The following ZNF66 variants were observed in gnomAD, a reference collection of about 807,000 sequenced individuals.
ZNF66 encodes the protein putative zinc finger protein 66.
In ZNF66, 32 loss-of-function variants were observed where a neutral mutation model predicts 35.2. The observed-to-expected ratio is 0.91, with a 90% CI of 0.69 to 1.22. ZNF66 has a LOEUF of 1.22. Ranked by LOEUF, ZNF66 falls within the 50% of genes most tolerant of loss-of-function variation. ZNF66 has a pLI of 0.00. For missense variants in ZNF66, 666 were observed against 543.1 expected, an observed-to-expected ratio of 1.23 and a Z score of -2.25; for synonymous variants, 231 against 181.3, an observed-to-expected ratio of 1.27 and a Z score of -2.20.
intron 3 of ZNF66, among the ~76,000 whole-genome samples, chr19:20,800,914 T>C (rs944715071): frequency 6.6e-6 from 1 of 152,224 alleles, no homozygotes; most frequent in Admixed American, 6.5e-5. Context: ...TAATTGCAAA[T>C]GGGTTCTTGC....
intron 3 of ZNF66, among the ~76,000 whole-genome samples, chr19:20,795,642 C>T (rs984553283): frequency 6.6e-6 from 1 of 152,200 alleles, no homozygotes; most frequent in Non-Finnish European, 1.5e-5. Context: ...GCTGGAATTA[C>T]AGGTGTGAGG....
At chr19:20,786,881 C>T (rs765987511) in intron 1 of ZNF66, among the ~76,000 whole-genome samples, 3 of 152,160 alleles carry the variant, frequency 2.0e-5, no homozygotes, top group African/African-American at 4.8e-5. Context: ...TCTGTCTCAG[C>T]CTCCCCAGTA....
chr19:20,785,349 AAG>A (rs1372713908), intron 1 of ZNF66, among the ~76,000 whole-genome samples: 1 of 152,194 alleles, frequency 6.6e-6, no homozygotes, highest in Admixed American at 6.5e-5. Flanking sequence ...TAAATAGCCA[AAG>A]AGAGAATCCT....
intron 1 of ZNF66, among the ~76,000 whole-genome samples, chr19:20,781,664 A>G (rs968593028): frequency 2.6e-5 from 4 of 151,968 alleles, no homozygotes; most frequent in Admixed American, 2.6e-4. Context: ...GCATTCCACC[A>G]TGCCCAGCTA....
At position 20,809,987 on chromosome 19, in the gene ZNF66, T is replaced by G. The variant is rs562090389; in HGVS notation, c.*2665T>G. Among the ~76,000 whole-genome samples, 1 of 152,168 alleles carries G rather than the reference T, an allele frequency of 6.6e-6. No individual in the cohort carries two copies. Among genetic ancestry groups the G allele is most frequent in the African/African-American group, 2.4e-5 (1 of 41,528 alleles). On this transcript the variant is annotated 3_prime_UTR_variant, in exon 4 of 4. Transcript: ENST00000344519. ...CTCAAAATAAAAGGATGGAGGAAGATCTACGAAGCAAATGGAAAACAAACA... is the reference window on the plus strand; with the variant it reads ...CTCAAAATAAAAGGATGGAGGAAGAGCTACGAAGCAAATGGAAAACAAACA...
Position 20,806,935 on chromosome 19 carries a change from A to C in ZNF66, c.1335A>C (p.Ile445=), listed in dbSNP as rs141697329. The change falls in exon 4 of 4, where the codon ATA becomes ATC. Residue 445 remains isoleucine (I), a synonymous_variant. Transcript: ENST00000344519. ...SRSSILTTHK[I]IHTGEKPYEC... ...CCTCTATTCTTACTACACATAAGAT[A>C]ATTCACACTGGAGAGAAACCCTACG... 400 of 1,179,244 alleles carry C rather than the reference A, an allele frequency of 3.4e-4. No homozygotes were observed. The African/African-American group carries it at 5.6e-3, about 16-fold the overall frequency. The allele number at this position is 1,179,244 out of a possible 1,614,324, so 73.0% of individuals were successfully genotyped here.
intron 3 of ZNF66, among the ~76,000 whole-genome samples, chr19:20,797,332 G>T (rs1028795476): frequency 7.5e-6 from 1 of 133,614 alleles, no homozygotes; most frequent in African/African-American, 2.8e-5. Context: ...TCAGCCTCCC[G>T]AGTAGCTGGG....
Position 20,792,493 on chromosome 19 carries a change from G to T in ZNF66, c.4-19G>T. ...GCCCATAACCACTTGGTGAAAATGTGTGTGTGTATATTTTTCAGGGGCCAT... is the reference window on the plus strand; with the variant it reads ...GCCCATAACCACTTGGTGAAAATGTTTGTGTGTATATTTTTCAGGGGCCAT... On this transcript the variant is annotated intron_variant, in intron 1 of 3. Coordinates refer to ENST00000344519, the MANE Select transcript of ZNF66 (RefSeq NM_001355197.2). 1.3e-6 allele frequency: 2 copies of T among 1,493,084 alleles called. No homozygotes were observed. Among genetic ancestry groups the T allele is most frequent in the Non-Finnish European group, 1.8e-6 (2 of 1,086,912 alleles). 92.5% of individuals were successfully genotyped at this position (1,493,084 alleles called of 1,614,324 possible). A position where few individuals can be genotyped will look rare whatever the true frequency, so the allele number is the denominator to read the frequency against.
At chr19:20,783,074 G>A (rs1049040353) in intron 1 of ZNF66, among the ~76,000 whole-genome samples, 2 of 152,114 alleles carry the variant, frequency 1.3e-5, no homozygotes, top group Non-Finnish European at 2.9e-5. Context: ...CATAGTGCTA[G>A]GTAGTTATTT....
Position 20,806,717 on chromosome 19 carries a change from G to T in ZNF66, c.1117G>T (p.Glu373Ter). The T allele has an allele frequency of 7.0e-7, 1 of 1,432,318 alleles. No individual in the cohort carries two copies. The allele number at this position is 1,432,318 out of a possible 1,614,324, so 88.7% of individuals were successfully genotyped here. A position where few individuals can be genotyped will look rare whatever the true frequency, so the allele number is the denominator to read the frequency against. ...TGGAGAGAAACCCTACAAATGTGAA[G>T]AATGTGGTGAAGCCTTTAAGTACTC... is the stretch of plus-strand genomic sequence containing the variant. ...HTGEKPYKCE[E>*]CGEAFKYSCS... Residue 373 changes from glutamate (E) to a stop codon, truncating the protein, a stop_gained, in exon 4 of 4, where the codon GAA becomes TAA. Coordinates refer to ENST00000344519, the MANE Select transcript of ZNF66 (RefSeq NM_001355197.2). LOFTEE classifies it high-confidence loss of function.
intron 1 of ZNF66, among the ~76,000 whole-genome samples, chr19:20,780,695 A>G (rs562728862): frequency 6.6e-6 from 1 of 151,910 alleles, no homozygotes; most frequent in Non-Finnish European, 1.5e-5. Flanking sequence ...GAAAAAAGAT[A>G]TCACAGAGGC....
intron 3 of ZNF66, chr19:20,794,132 G>C (rs1971369420): frequency 9.0e-6 from 5 of 557,436 alleles, no homozygotes; most frequent in Admixed American, 2.6e-5. Flanking sequence ...TTCACAGTGA[G>C]AGCCAAAGTC....
intron 1 of ZNF66, chr19:20,784,656 TAGA>T (rs1257821847): frequency 6.6e-6 from 1 of 152,220 alleles, no homozygotes; most frequent in Non-Finnish European, 1.5e-5. Flanking sequence ...ATTCAATGGC[TAGA>T]AGATGAGACA....
rs1971194313 is a variant in ZNF66 at position 20,776,391 on chromosome 19, C to G, written c.-57C>G. The G allele has an allele frequency of 1.3e-6, 2 of 1,541,632 alleles. No individual in the cohort carries two copies. Among genetic ancestry groups the G allele is most frequent in the Non-Finnish European group, 1.8e-6 (2 of 1,116,254 alleles). On this transcript the variant is annotated 5_prime_UTR_variant, in exon 1 of 4. Coordinates refer to ENST00000344519, the MANE Select transcript of ZNF66 (RefSeq NM_001355197.2). ...AGGCCCAGCCTCTGTGGCCCTGTGT[C>G]CTGCAGGTATTGGGAGATCCACAGC...
intron 1 of ZNF66, among the ~76,000 whole-genome samples, chr19:20,787,861 G>A (rs1971302228): frequency 6.6e-6 from 1 of 152,174 alleles, no homozygotes; most frequent in Non-Finnish European, 1.5e-5. Flanking sequence ...GTTCCACCAG[G>A]GCAGTTCCAT....
At chr19:20,778,190 C>T (rs1971213266) in intron 1 of ZNF66, among the ~76,000 whole-genome samples, 1 of 152,084 alleles carries the variant, frequency 6.6e-6, no homozygotes, top group Non-Finnish European at 1.5e-5. Flanking sequence ...ACCTCTGCCT[C>T]CCAGGTTCAA....
At chr19:20,798,831 C>T (rs1971419428) in intron 3 of ZNF66, among the ~76,000 whole-genome samples, 1 of 152,012 alleles carries the variant, frequency 6.6e-6, no homozygotes, top group Non-Finnish European at 1.5e-5. Flanking sequence ...TTTCAATGTT[C>T]ATCTTAAAAT....
intron 2 of ZNF66, 90 bp from the exon 3 acceptor site, chr19:20,793,693 A>AT (rs1971363409): frequency 8.1e-6 from 4 of 495,468 alleles, no homozygotes; most frequent in Non-Finnish European, 3.5e-6. Context: ...TTACTAGAAT[A>AT]TTTTATCACA....
In ZNF66 at chr19:20,806,403, G is replaced by A. The variant is rs62621368; in HGVS notation, c.803G>A (p.Arg268His). 146,108 of 1,554,732 alleles carry A rather than the reference G, an allele frequency of 0.094. 8,029 individuals carry two copies. The highest frequency in any genetic ancestry group is 0.11 in the Non-Finnish European group (122,952 of 1,131,150). The change falls in exon 4 of 4, where the codon CGC becomes CAC. Residue 268 changes from arginine to histidine, a missense_variant. Coordinates refer to ENST00000344519, the MANE Select transcript of ZNF66 (RefSeq NM_001355197.2). ...KCEECGKAFK[R>H]SSILTTHKRI... is the part of the protein sequence containing the mutation. ...GAAGAATGTGGCAAGGCCTTTAAGC[G>A]CTCCTCTATCCTTACTACACATAAG...
Sources: gnomAD v4.1 joint callset for allele counts (sites outside exome capture counted in the v4.1 genomes callset) on GRCh38, gnomAD v4.1.1 for gene constraint, MANE v1.5 for transcripts, NCBI Gene and HGNC (gene_info 2026-07-23, HGNC 2026-07-21) for gene names.